The following ATRNL1 variants were observed in gnomAD, a reference collection of about 807,000 sequenced individuals.
ATRNL1 encodes the protein attractin like 1, also known as attractin-like protein 1.
ATRNL1 carries 95 observed loss-of-function variants against 182.7 expected under a neutral mutation model. That is an observed-to-expected ratio of 0.52 (90% CI 0.44 to 0.62). The LOEUF is 0.62. Among genes scored for constraint, ATRNL1 ranks in the 20% least tolerant of loss-of-function variants. The pLI is 0.00. For synonymous variants in ATRNL1, 576 were observed against 568.3 expected, an observed-to-expected ratio of 1.01 and a Z score of -0.19; for missense variants, 1,471 against 1,679.5, an observed-to-expected ratio of 0.88 and a Z score of 2.17.
intron 25 of ATRNL1, among the ~76,000 whole-genome samples, chr10:115,532,882 T>G (rs1223273581): frequency 6.6e-6 from 1 of 152,150 alleles, no homozygotes; most frequent in African/African-American, 2.4e-5. Flanking sequence ...CATGTGGTTT[T>G]TGTCTTTGGT....
chr10:115,860,714 T>C (rs1181422070), intron 28 of ATRNL1, among the ~76,000 whole-genome samples: 9 of 152,164 alleles, frequency 5.9e-5, no homozygotes, highest in African/African-American at 2.2e-4. Flanking sequence ...CTAAAGACAT[T>C]CCCAAAAGTC....
chr10:115,724,288 A>G (rs1947527234), intron 26 of ATRNL1, among the ~76,000 whole-genome samples: 1 of 152,192 alleles, frequency 6.6e-6, no homozygotes, highest in African/African-American at 2.4e-5. Context: ...TACCACAATA[A>G]TGACAGTTTC....
intron 27 of ATRNL1, among the ~76,000 whole-genome samples, chr10:115,828,174 A>G (rs1035511699): frequency 4.6e-5 from 7 of 152,094 alleles, no homozygotes; most frequent in Non-Finnish European, 4.4e-5. Flanking sequence ...AAAATTAGCC[A>G]GGCGTGGTGG....
At chr10:115,244,316 CTAATCTTTGGGTATA>C (rs1359269936) in intron 10 of ATRNL1, among the ~76,000 whole-genome samples, 4 of 152,048 alleles carry the variant, frequency 2.6e-5, no homozygotes, top group African/African-American at 9.7e-5. Flanking sequence ...GTCAATATCG[CTAATCTTTGGGTATA>C]TAACCTTGCC....
At chr10:115,811,872 A>T (rs1359404985) in intron 27 of ATRNL1, among the ~76,000 whole-genome samples, 2 of 152,092 alleles carry the variant, frequency 1.3e-5, no homozygotes, top group African/African-American at 4.8e-5. Flanking sequence ...AATTATAAAA[A>T]TATGTGAAAA....
At chr10:115,190,865 C>G (rs1554889717) in intron 8 of ATRNL1, among the ~76,000 whole-genome samples, 1 of 152,094 alleles carries the variant, frequency 6.6e-6, no homozygotes, top group African/African-American at 2.4e-5. Flanking sequence ...CACTTTATCC[C>G]CTGCTCTCTG....
chr10:115,454,575 G>C (rs1847435217), intron 21 of ATRNL1, among the ~76,000 whole-genome samples: 1 of 151,874 alleles, frequency 6.6e-6, no homozygotes, highest in Admixed American at 6.6e-5. Context: ...AATTTCTTTT[G>C]TCAATGTTTT....
chr10:115,416,344 G>A (rs1202604929), intron 20 of ATRNL1, among the ~76,000 whole-genome samples: 1 of 151,694 alleles, frequency 6.6e-6, no homozygotes, highest in Non-Finnish European at 1.5e-5. Context: ...ACCAAAAATT[G>A]GTGTTTAAAT....
chr10:115,448,091 TA>T (rs1324472059), intron 21 of ATRNL1, among the ~76,000 whole-genome samples: 3 of 152,152 alleles, frequency 2.0e-5, no homozygotes, highest in African/African-American at 7.2e-5. Context: ...GTCTTTTTCA[TA>T]TTGTTGGCAT....
intron 24 of ATRNL1, among the ~76,000 whole-genome samples, chr10:115,509,378 G>A (rs2133666172): frequency 6.6e-6 from 1 of 152,082 alleles, no homozygotes; most frequent in Middle Eastern, 3.4e-3. Flanking sequence ...CCCCAGTGTT[G>A]GAGGTGGGGG....
chr10:115,915,608 A>G (rs1555117055), intron 28 of ATRNL1, among the ~76,000 whole-genome samples: 1 of 152,170 alleles, frequency 6.6e-6, no homozygotes, highest in Non-Finnish European at 1.5e-5. Context: ...AAAATAATAT[A>G]TCCATATGTG....
chr10:115,124,889 AT>A (rs1844897898), intron 3 of ATRNL1, among the ~76,000 whole-genome samples: 1 of 152,124 alleles, frequency 6.6e-6, no homozygotes, highest in Admixed American at 6.5e-5. Flanking sequence ...ATGTAAACAG[AT>A]TTTTCACACA....
intron 18 of ATRNL1, among the ~76,000 whole-genome samples, chr10:115,323,829 G>T (rs1854720300): frequency 6.6e-6 from 1 of 151,602 alleles, no homozygotes. Flanking sequence ...CCAGCCTGGA[G>T]TGCAGTGGCG....
intron 27 of ATRNL1, among the ~76,000 whole-genome samples, chr10:115,812,522 G>A (rs1555087274): frequency 6.6e-6 from 1 of 152,106 alleles, no homozygotes; most frequent in Non-Finnish European, 1.5e-5. Context: ...TGTTGCCCAA[G>A]CTGGAGTGCA....
At chr10:115,292,958 G>T (rs934004004) in intron 15 of ATRNL1, among the ~76,000 whole-genome samples, 1 of 152,114 alleles carries the variant, frequency 6.6e-6, no homozygotes, top group Admixed American at 6.5e-5. Context: ...TGGTGTTGAA[G>T]TCTCCAAGTA....
intron 15 of ATRNL1, among the ~76,000 whole-genome samples, chr10:115,294,651 T>A (rs1554922004): frequency 6.6e-6 from 1 of 152,218 alleles, no homozygotes; most frequent in Non-Finnish European, 1.5e-5. Context: ...CATGTTTTCT[T>A]TGCTTTTTCA....
At chr10:115,446,764 G>A (rs144655779) in intron 21 of ATRNL1, among the ~76,000 whole-genome samples, 1,833 of 152,100 alleles carry the variant, frequency 0.012, 16 homozygotes, top group Middle Eastern at 0.037. Context: ...AAAGTGAGAA[G>A]TGTAAATAAG....
At chr10:115,853,085 C>T (rs1326536732) in intron 28 of ATRNL1, among the ~76,000 whole-genome samples, 1 of 151,884 alleles carries the variant, frequency 6.6e-6, no homozygotes, top group Non-Finnish European at 1.5e-5. Flanking sequence ...GGTTAGATTC[C>T]TAGGATGCGT....
intron 19 of ATRNL1, among the ~76,000 whole-genome samples, chr10:115,368,611 CA>C (rs1857208097): frequency 6.6e-6 from 1 of 152,160 alleles, no homozygotes; most frequent in African/African-American, 2.4e-5. Context: ...TCCTTTCTAA[CA>C]AAAACTTTGT....
Sources: allele counts gnomAD v4.1 joint callset (sites outside exome capture counted in the v4.1 genomes callset), GRCh38; gene constraint gnomAD v4.1.1; transcripts MANE v1.5; gene names NCBI Gene and HGNC (gene_info 2026-07-23, HGNC 2026-07-21).